Variants in WDR19 observed in about 807,000 individuals in gnomAD.
WDR19 encodes WD repeat-containing protein 19.
A neutral mutation model predicts 180.0 loss-of-function variants in WDR19; 121 were observed. The observed-to-expected ratio is 0.67, with a 90% CI of 0.58 to 0.78. The LOEUF is 0.78. Among genes scored for constraint, WDR19 ranks in the 30% least tolerant of loss-of-function variants. The pLI is 0.00. For missense variants in WDR19, 1,450 were observed against 1,640.7 expected, an observed-to-expected ratio of 0.88 and a Z score of 2.01; for synonymous variants, 497 against 540.7, an observed-to-expected ratio of 0.92 and a Z score of 1.12.
Position 39,270,037 on chromosome 4 carries a change from G to A in WDR19, c.3420G>A (p.Lys1140=). The change falls in exon 31 of 37, where the codon AAG becomes AAA. Residue 1140 remains lysine (K), a synonymous_variant. Transcript: ENST00000399820. ...TGTATGCAGAACTGAAATCCCAGAAGATCAAAATTCCCTCCGAGATGGCCA... is the reference window on the plus strand; with the variant it reads ...TGTATGCAGAACTGAAATCCCAGAAAATCAAAATTCCCTCCGAGATGGCCA... The part of the protein sequence containing the change: ...FSMYAELKSQ[K]IKIPSEMATN... 1 of 1,613,728 alleles carries A rather than the reference G, an allele frequency of 6.2e-7. No individual in the cohort carries two copies. The highest frequency in any genetic ancestry group is 1.1e-5 in the South Asian group (1 of 91,048).
At chr4:39,212,003 G>A (rs1027225693) in intron 9 of WDR19, among the ~76,000 whole-genome samples, 2 of 149,850 alleles carry the variant, frequency 1.3e-5, no homozygotes, top group African/African-American at 4.9e-5. Flanking sequence ...GATGTAGATA[G>A]GCACAGATCC....
chr4:39,193,611 T>G (rs1056889562), intron 4 of WDR19, among the ~76,000 whole-genome samples: 3 of 152,244 alleles, frequency 2.0e-5, no homozygotes, highest in Admixed American at 6.5e-5. Flanking sequence ...TATGTAATTT[T>G]TAATCCTCAA....
intron 14 of WDR19, among the ~76,000 whole-genome samples, chr4:39,220,031 CAA>C (rs749495518): frequency 3.3e-5 from 5 of 151,970 alleles, no homozygotes; most frequent in Non-Finnish European, 7.4e-5. Flanking sequence ...CCATCTTGGG[CAA>C]CATGGCGACA....
intron 3 of WDR19, among the ~76,000 whole-genome samples, 179 bp downstream of exon 3, chr4:39,186,783 T>C (rs1488222796): frequency 6.6e-6 from 1 of 152,182 alleles, no homozygotes; most frequent in Non-Finnish European, 1.5e-5. Flanking sequence ...GAATTAGAGT[T>C]TCTATCTATA....
At chr4:39,187,164 T>TA (rs1356196681) in intron 3 of WDR19, among the ~76,000 whole-genome samples, 2 of 152,298 alleles carry the variant, frequency 1.3e-5, no homozygotes, top group East Asian at 3.9e-4. Context: ...CTCATGCCTG[T>TA]AATCCCAGCA....
chr4:39,273,072 C>T lies in WDR19; in HGVS notation c.3565+11C>T. ...GCAAATTTCCATCACGTAAGTACCA[C>T]TGACCAGAGCTCTCACCCATGCCCC... On this transcript the variant is annotated intron_variant, in intron 32 of 36. Transcript: ENST00000399820. The T allele has an allele frequency of 1.9e-6, 3 of 1,593,026 alleles. No individual in the cohort carries two copies. The highest frequency in any genetic ancestry group is 2.6e-6 in the Non-Finnish European group (3 of 1,169,012).
intron 24 of WDR19, among the ~76,000 whole-genome samples, chr4:39,247,803 A>G (rs1055454344): frequency 2.6e-5 from 4 of 151,926 alleles, no homozygotes; most frequent in African/African-American, 9.7e-5. Context: ...AAGTTTAGAG[A>G]AAAAAGAATA....
chr4:39,220,802 C>G (rs1381455306), intron 14 of WDR19, among the ~76,000 whole-genome samples: 1 of 150,020 alleles, frequency 6.7e-6, no homozygotes, highest in African/African-American at 2.4e-5. Flanking sequence ...GGCACCGTGC[C>G]CAGCTGAAAC....
intron 30 of WDR19, among the ~76,000 whole-genome samples, chr4:39,269,359 G>A (rs1735117216): frequency 6.6e-6 from 1 of 152,154 alleles, no homozygotes; most frequent in South Asian, 2.1e-4. Flanking sequence ...TACAGCAGAA[G>A]GAAATGATGA....
intron 28 of WDR19, among the ~76,000 whole-genome samples, chr4:39,260,351 T>C (rs1734168225): frequency 6.6e-6 from 1 of 150,580 alleles, no homozygotes; most frequent in South Asian, 2.1e-4. Context: ...TTTTTTTTTT[T>C]TTTTGAGACA....
chr4:39,188,711 C>T (rs1417966861), intron 3 of WDR19, among the ~76,000 whole-genome samples: 1 of 151,562 alleles, frequency 6.6e-6, no homozygotes, highest in Non-Finnish European at 1.5e-5. Flanking sequence ...TTTTACAATC[C>T]TATATCTACC....
chr4:39,244,671 C>A, intron 23 of WDR19, 119 bp downstream of exon 23: 3 of 993,196 alleles, frequency 3.0e-6, no homozygotes, highest in Non-Finnish European at 3.0e-6. Flanking sequence ...CTATCTAGAC[C>A]TACCCTTCAT....
chr4:39,272,520 C>T (rs541554375), intron 31 of WDR19, among the ~76,000 whole-genome samples: 2 of 152,330 alleles, frequency 1.3e-5, no homozygotes, highest in African/African-American at 2.4e-5. Flanking sequence ...CCTAAACGCA[C>T]CCCTCGATGT....
At position 39,274,673 on chromosome 4, in the gene WDR19, A is replaced by T; in HGVS notation, c.3566-135A>T. Reference sequence around the variant, plus strand: ...GTACTTTCCTCATTAAACAGATCATATCTGGTTCTTTGCAGAAAAAGCAAA... The same window carrying T: ...GTACTTTCCTCATTAAACAGATCATTTCTGGTTCTTTGCAGAAAAAGCAAA... On this transcript the variant is annotated intron_variant, in intron 32 of 36. Transcript: ENST00000399820. 2.9e-6 allele frequency: 3 copies of T among 1,033,266 alleles called. No individual in the cohort carries two copies. The East Asian group carries it at 7.2e-5, about 25-fold the overall frequency. The allele number at this position is 1,033,266 out of a possible 1,614,324, so 64.0% of individuals were successfully genotyped here.
intron 17 of WDR19, among the ~76,000 whole-genome samples, chr4:39,231,038 A>G (rs1730789975): frequency 6.6e-6 from 1 of 151,540 alleles, no homozygotes; most frequent in African/African-American, 2.4e-5. Flanking sequence ...TGGGCCGGGG[A>G]CGGTGGCTCA....
chr4:39,259,044 G>A (rs974595857), intron 28 of WDR19, among the ~76,000 whole-genome samples: 1 of 152,042 alleles, frequency 6.6e-6, no homozygotes, highest in Admixed American at 6.6e-5. Flanking sequence ...CTCCAGCCTG[G>A]GCAACAAGAA....
At chr4:39,220,870 ATTTTTTTTTT>A (rs34845614) in intron 14 of WDR19, among the ~76,000 whole-genome samples, 8 of 60,642 alleles carry the variant, frequency 1.3e-4, no homozygotes, top group East Asian at 4.5e-4. Flanking sequence ...CTGCTAATTA[ATTTTTTTTTT>A]TTTTTTTTTT....
intron 6 of WDR19, among the ~76,000 whole-genome samples, chr4:39,202,318 G>A (rs759325813): frequency 2.8e-4 from 43 of 151,744 alleles, no homozygotes; most frequent in Non-Finnish European, 4.6e-4. Context: ...ATGACGCCTC[G>A]TTTTTAGAAA....
intron 19 of WDR19, among the ~76,000 whole-genome samples, chr4:39,234,060 TC>T (rs758662152): frequency 2.0e-5 from 3 of 152,188 alleles, no homozygotes; most frequent in Non-Finnish European, 4.4e-5. Context: ...TTTCTGGATC[TC>T]TAAAATGGAT....
Sources: gnomAD v4.1 joint callset for allele counts (sites outside exome capture counted in the v4.1 genomes callset) on GRCh38, gnomAD v4.1.1 for gene constraint, MANE v1.5 for transcripts, NCBI Gene and HGNC (gene_info 2026-07-23, HGNC 2026-07-21) for gene names.